Variants in RBPMS observed in about 807,000 individuals in gnomAD.
The protein encoded by RBPMS is RNA-binding protein with multiple splicing.
RBPMS carries 7 observed loss-of-function variants against 26.8 expected under a neutral mutation model. That is an observed-to-expected ratio of 0.26 (90% CI 0.15 to 0.49). The LOEUF is 0.49. RBPMS is among the 20% of genes least tolerant of loss of function. The probability of loss-of-function intolerance (pLI) is 0.98; values close to 1 mark genes in which losing one functional copy is unlikely to be tolerated. For synonymous variants in RBPMS, 96 were observed against 93.3 expected, an observed-to-expected ratio of 1.03 and a Z score of -0.17; for missense variants, 186 against 250.0, an observed-to-expected ratio of 0.74 and a Z score of 1.73.
At chr8:30,391,120 T>C (rs1807743695) in intron 1 of RBPMS, among the ~76,000 whole-genome samples, 1 of 151,010 alleles carries the variant, frequency 6.6e-6, no homozygotes, top group South Asian at 2.1e-4. Context: ...ATTACTTCCA[T>C]CCCTTTGTCA....
At chr8:30,549,772 T>TTTTCTTCTCTCTCTCTCTCTCTCTCTC (rs1182285469) in intron 6 of RBPMS, among the ~76,000 whole-genome samples, 4 of 71,210 alleles carry the variant, frequency 5.6e-5, no homozygotes, top group African/African-American at 3.0e-4. Flanking sequence ...TTTTCTTTTC[T>TTTTCTTCTCTCTCTCTCTCTCTCTCTC]TCTCTCTCTC....
intron 6 of RBPMS, among the ~76,000 whole-genome samples, chr8:30,554,871 T>G (rs1403948067): frequency 6.6e-6 from 1 of 152,174 alleles, no homozygotes; most frequent in Non-Finnish European, 1.5e-5. Flanking sequence ...AGTATGATAG[T>G]GGGATTCAGC....
intron 6 of RBPMS, chr8:30,555,907 C>G (rs1266544415): frequency 2.0e-6 from 2 of 984,780 alleles, no homozygotes; most frequent in Non-Finnish European, 1.2e-6. Context: ...GCAGCTTGTT[C>G]CCCCCCACCG....
chr8:30,419,064 G>T, intron 1 of RBPMS, among the ~76,000 whole-genome samples: 2 of 124,978 alleles, frequency 1.6e-5, no homozygotes, highest in Admixed American at 7.6e-5. Context: ...AAGATTATCA[G>T]TTGAAAAAAA....
At chr8:30,522,174 C>G (rs1823117559) in intron 5 of RBPMS, among the ~76,000 whole-genome samples, 1 of 151,900 alleles carries the variant, frequency 6.6e-6, no homozygotes. Flanking sequence ...TGGCACAGGC[C>G]TATAGTCACA....
chr8:30,527,390 T>G (rs1340736835), intron 5 of RBPMS, among the ~76,000 whole-genome samples: 1 of 152,164 alleles, frequency 6.6e-6, no homozygotes, highest in Non-Finnish European at 1.5e-5. Context: ...TGTTCTTTCC[T>G]CAACTGCCAG....
chr8:30,479,437 A>T, intron 4 of RBPMS, 60 bp downstream of exon 4: 1 of 1,212,490 alleles, frequency 8.2e-7, no homozygotes, highest in Non-Finnish European at 1.2e-6. Flanking sequence ...AAGTAATGGA[A>T]TCTCTTTGGA....
chr8:30,443,276 A>T (rs1813335947), intron 1 of RBPMS, among the ~76,000 whole-genome samples: 1 of 152,218 alleles, frequency 6.6e-6, no homozygotes, highest in Non-Finnish European at 1.5e-5. Context: ...ATAGTTTTTT[A>T]AAATGGTGTC....
intron 4 of RBPMS, among the ~76,000 whole-genome samples, chr8:30,491,603 A>G (rs1277423087): frequency 6.6e-6 from 1 of 152,118 alleles, no homozygotes; most frequent in Non-Finnish European, 1.5e-5. Context: ...ATGGTTTTGG[A>G]AAGTTTAGGC....
intron 1 of RBPMS, among the ~76,000 whole-genome samples, chr8:30,437,280 A>G (rs1016706797): frequency 6.6e-6 from 1 of 152,006 alleles, no homozygotes; most frequent in Non-Finnish European, 1.5e-5. Flanking sequence ...GTTAAAATTG[A>G]TCTTATCAGA....
chr8:30,490,996 T>C (rs1006564089), intron 4 of RBPMS, among the ~76,000 whole-genome samples: 1 of 152,146 alleles, frequency 6.6e-6, no homozygotes, highest in African/African-American at 2.4e-5. Context: ...AAGTTCTTGG[T>C]TGGAAGGAGG....
At chr8:30,475,863 A>G (rs1372878280) in intron 2 of RBPMS, among the ~76,000 whole-genome samples, 1 of 152,202 alleles carries the variant, frequency 6.6e-6, no homozygotes, top group Non-Finnish European at 1.5e-5. Context: ...TTAATGCAAC[A>G]ATAATGATGA....
intron 7 of RBPMS, among the ~76,000 whole-genome samples, chr8:30,562,752 G>T (rs989175709): frequency 6.6e-6 from 1 of 152,008 alleles, no homozygotes; most frequent in African/African-American, 2.4e-5. Context: ...GTTCGGCGGG[G>T]AGGGCTTTCT....
At chr8:30,486,373 A>C (rs907577015) in intron 4 of RBPMS, among the ~76,000 whole-genome samples, 7 of 151,204 alleles carry the variant, frequency 4.6e-5, no homozygotes, top group Admixed American at 1.3e-4. Flanking sequence ...ATAAAAAAAA[A>C]ACAAAAAACA....
At chr8:30,511,876 G>C (rs1054201119) in intron 5 of RBPMS, among the ~76,000 whole-genome samples, 6 of 151,984 alleles carry the variant, frequency 3.9e-5, no homozygotes, top group African/African-American at 1.5e-4. Context: ...TGATGGCCAA[G>C]GTGCATTAAC....
chr8:30,385,722 G>A (rs1448413569), intron 1 of RBPMS, among the ~76,000 whole-genome samples: 1 of 152,208 alleles, frequency 6.6e-6, no homozygotes, highest in African/African-American at 2.4e-5. Flanking sequence ...CCTGGGCGGT[G>A]AACGCTTGTG....
rs542574481 is a variant in RBPMS, at chr8:30,533,492, C to T, written c.398-11002C>T. Among the ~76,000 whole-genome samples the T allele has an allele frequency of 3.9e-5, 6 of 152,240 alleles. No individual in the cohort carries two copies. In the South Asian group the frequency reaches 8.3e-4, roughly 21 times the overall value. Reference sequence around the variant, plus strand: ...AGCAGCTTTGTTACCTGTGGAGAGACGGTTCTGGGTCCATGGGTGGCTTTG... The same window carrying T: ...AGCAGCTTTGTTACCTGTGGAGAGATGGTTCTGGGTCCATGGGTGGCTTTG... On this transcript the variant is annotated intron_variant, in intron 5 of 8. Coordinates refer to ENST00000397323, the MANE Select transcript of RBPMS (RefSeq NM_001008710.3).
chr8:30,416,989 T>G (rs1810160782), intron 1 of RBPMS, among the ~76,000 whole-genome samples: 1 of 152,158 alleles, frequency 6.6e-6, no homozygotes, highest in African/African-American at 2.4e-5. Context: ...AGGTGGGTTT[T>G]GAACTCCTGA....
At chr8:30,544,807 AATG>A in intron 6 of RBPMS, 183 bp downstream of exon 6, 1 of 1,559,008 alleles carries the variant, frequency 6.4e-7, no homozygotes, top group Non-Finnish European at 8.6e-7. Context: ...GTCTGACAGC[AATG>A]ATATCACCCA....
Sources: gnomAD v4.1 joint callset for allele counts (sites outside exome capture counted in the v4.1 genomes callset) on GRCh38, gnomAD v4.1.1 for gene constraint, MANE v1.5 for transcripts, NCBI Gene and HGNC (gene_info 2026-07-23, HGNC 2026-07-21) for gene names.